HMHB1: variants seen among roughly 807,000 people sequenced by gnomAD.
HMHB1 encodes the protein histocompatibility minor HB-1.
In HMHB1, 4 loss-of-function variants were observed where a neutral mutation model predicts 2.4. The observed-to-expected ratio is 1.65, with a 90% CI of 0.81 to 3.77. The LOEUF is 3.77. Among genes scored for constraint, HMHB1 ranks in the 30% most tolerant of loss-of-function variants. The pLI, the probability that HMHB1 is intolerant of heterozygous loss-of-function variation, is 0.01. For synonymous variants in HMHB1, 22 were observed against 17.6 expected (o/e 1.25, Z -0.63); for missense variants, 57 against 44.2 (o/e 1.29, Z -0.82).
chr5:143,816,362 C>T (rs1482063014), intron 1 of HMHB1, among the ~76,000 whole-genome samples: 1 of 151,974 alleles, frequency 6.6e-6, no homozygotes, highest in Non-Finnish European at 1.5e-5. Flanking sequence ...CCTTCCCACC[C>T]TTTCCCCCTG....
At chr5:143,820,318 T>TAGAAAAAAAAAAAAAAAA (rs1759794101) in intron 1 of HMHB1, among the ~76,000 whole-genome samples, 162 bp from the exon 2 acceptor site, 1 of 47,564 alleles carries the variant, frequency 2.1e-5, no homozygotes, top group Non-Finnish European at 4.1e-5. Flanking sequence ...TCATCATAAG[T>TAGAAAAAAAAAAAAAAAA]AAAAAAAAAA....
intron 1 of HMHB1, among the ~76,000 whole-genome samples, chr5:143,812,973 T>TTTG (rs1185486562): frequency 3.9e-4 from 43 of 110,222 alleles, no homozygotes; most frequent in African/African-American, 1.4e-3. Context: ...TTGTTTGTTT[T>TTTG]TTTGTCTTGT....
chr5:143,816,877 AT>A (rs2126793628), intron 1 of HMHB1, among the ~76,000 whole-genome samples: 1 of 152,276 alleles, frequency 6.6e-6, no homozygotes, highest in East Asian at 1.9e-4. Context: ...CTGTGCTTTG[AT>A]TTTTTGATTA....
At chr5:143,815,093 TA>T (rs1193631312) in intron 1 of HMHB1, among the ~76,000 whole-genome samples, 3 of 152,294 alleles carry the variant, frequency 2.0e-5, no homozygotes, top group South Asian at 2.1e-4. Context: ...ATGAAGGGAT[TA>T]GGGGTGAAGA....
rs1306101597 is a variant in HMHB1 at position 143,812,232 on chromosome 5, C to T, written c.-36C>T. The T allele has an allele frequency of 1.9e-6, 3 of 1,550,550 alleles. No individual in the cohort carries two copies. The highest frequency in any genetic ancestry group is 2.7e-5 in the African/African-American group (2 of 73,008). The stretch of plus-strand genomic sequence containing the variant: ...GGGCAGGCCCTGAGCCTTCTGACCT[C>T]ACATCCTCTGCCACACCACAGTGGA... On this transcript the variant is annotated 5_prime_UTR_variant, in exon 1 of 2. Transcript: ENST00000289448.
chr5:143,815,759 T>G (rs1759741065), intron 1 of HMHB1, among the ~76,000 whole-genome samples: 1 of 147,604 alleles, frequency 6.8e-6, no homozygotes, highest in Admixed American at 6.9e-5. Context: ...GACTGCGGAC[T>G]GCAGTGGCGC....
At chr5:143,818,838 C>T (rs1475805003) in intron 1 of HMHB1, among the ~76,000 whole-genome samples, 2 of 151,930 alleles carry the variant, frequency 1.3e-5, no homozygotes, top group Admixed American at 1.3e-4. Flanking sequence ...TGTACTCCAC[C>T]ACATGCAATG....
chr5:143,820,584 T>A lies in HMHB1; in HGVS notation c.*16T>A. The stretch of plus-strand genomic sequence containing the variant: ...TAGGCTTTGACACTGCTGTTGAGGT[T>A]TGACTCGAAGCCCAGAGTTTTGGTG... On this transcript the variant is annotated 3_prime_UTR_variant, in exon 2 of 2. Transcript: ENST00000289448. The A allele has an allele frequency of 6.4e-7, 1 of 1,564,908 alleles. No homozygotes were observed. The highest frequency in any genetic ancestry group is 8.8e-7 in the Non-Finnish European group (1 of 1,135,948).
intron 1 of HMHB1, among the ~76,000 whole-genome samples, chr5:143,818,700 T>C (rs1229423530): frequency 6.6e-6 from 1 of 152,202 alleles, no homozygotes; most frequent in Non-Finnish European, 1.5e-5. Context: ...GGATACTTTA[T>C]GGAGTAATAA....
intron 1 of HMHB1, among the ~76,000 whole-genome samples, chr5:143,818,780 CT>C (rs1283482935): frequency 6.6e-6 from 1 of 151,404 alleles, no homozygotes; most frequent in South Asian, 2.1e-4. Flanking sequence ...TTTTCTCTTC[CT>C]TTTTTTCTTC....
At chr5:143,819,020 C>A (rs980640671) in intron 1 of HMHB1, among the ~76,000 whole-genome samples, 1 of 152,188 alleles carries the variant, frequency 6.6e-6, no homozygotes. Flanking sequence ...CCATTCTTTT[C>A]TATTTCTTTT....
intron 1 of HMHB1, among the ~76,000 whole-genome samples, 195 bp downstream of exon 1, chr5:143,812,499 G>T (rs77018303): frequency 0.012 from 1,899 of 152,252 alleles, 18 homozygotes; most frequent in Non-Finnish European, 0.018. Flanking sequence ...TCCAGTTGAG[G>T]TTCGGTTTCA....
intron 1 of HMHB1, among the ~76,000 whole-genome samples, chr5:143,814,712 T>C (rs1007611035): frequency 5.3e-5 from 8 of 152,340 alleles, no homozygotes; most frequent in African/African-American, 1.7e-4. Flanking sequence ...AAGTAACCAG[T>C]ATTAGTGTAT....
chr5:143,815,564 C>T (rs191151130), intron 1 of HMHB1, among the ~76,000 whole-genome samples: 1 of 151,782 alleles, frequency 6.6e-6, no homozygotes, highest in Admixed American at 6.5e-5. Context: ...CTCTGTCGCC[C>T]AGGCTGGATT....
At chr5:143,813,197 A>G (rs1324099833) in intron 1 of HMHB1, among the ~76,000 whole-genome samples, 2 of 152,186 alleles carry the variant, frequency 1.3e-5, no homozygotes, top group South Asian at 2.1e-4. Flanking sequence ...CAGGTAGCCC[A>G]CAGAATACAA....
In HMHB1 at chr5:143,812,305, G is replaced by A; in HGVS notation, c.37+1G>A. On this transcript the variant is annotated splice_donor_variant, in intron 1 of 1. Coordinates refer to ENST00000289448, the MANE Select transcript of HMHB1 (RefSeq NM_021182.3). LOFTEE classifies it high-confidence loss of function. ...CCAGAATGCAGAGAAGAAAAAAGAG[G>A]TGAGGGAGCGAGGAGGAGGGAGAAC... 6.4e-7 allele frequency: 1 copy of A among 1,551,662 alleles called. No homozygotes were observed. The highest frequency in any genetic ancestry group is 1.2e-5 in the South Asian group (1 of 84,058).
At chr5:143,819,676 A>G (rs1759786627) in intron 1 of HMHB1, among the ~76,000 whole-genome samples, 1 of 151,734 alleles carries the variant, frequency 6.6e-6, no homozygotes, top group South Asian at 2.1e-4. Context: ...GGGGAGCACA[A>G]TGGCAATACC....
intron 1 of HMHB1, among the ~76,000 whole-genome samples, chr5:143,816,728 G>A (rs1349591436): frequency 1.3e-5 from 2 of 152,208 alleles, no homozygotes. Context: ...CCAGTAGTGG[G>A]ATTGCTGGAT....
At chr5:143,817,160 A>T (rs1759757896) in intron 1 of HMHB1, among the ~76,000 whole-genome samples, 1 of 152,108 alleles carries the variant, frequency 6.6e-6, no homozygotes, top group South Asian at 2.1e-4. Context: ...TCTGTCAGTC[A>T]TCTGTTTACT....
Sources: allele counts gnomAD v4.1 joint callset (sites outside exome capture counted in the v4.1 genomes callset), GRCh38; gene constraint gnomAD v4.1.1; transcripts MANE v1.5; gene names NCBI Gene and HGNC (gene_info 2026-07-23, HGNC 2026-07-21).